The following RSRC1 variants were observed in gnomAD, a reference collection of about 807,000 sequenced individuals.
RSRC1 encodes the protein arginine and serine rich coiled-coil 1.
Under a neutral mutation model 49.1 loss-of-function variants are expected in RSRC1, and 39 were observed. The ratio of observed to expected loss-of-function variants is 0.79; its 90% CI spans 0.61 to 1.04. The LOEUF (loss-of-function observed/expected upper bound fraction) is 1.04. Among genes scored for constraint, RSRC1 ranks in the 50% least tolerant of loss-of-function variants. The pLI is 0.00. For missense variants in RSRC1, 388 were observed against 402.4 expected (o/e 0.96, Z 0.31); for synonymous variants, 143 against 130.8 (o/e 1.09, Z -0.63).
At chr3:158,392,528 C>A (rs1219121439) in intron 6 of RSRC1, among the ~76,000 whole-genome samples, 1 of 151,840 alleles carries the variant, frequency 6.6e-6, no homozygotes, top group Non-Finnish European at 1.5e-5. Context: ...CACAGAATGC[C>A]AAGTGTAATC....
intron 4 of RSRC1, among the ~76,000 whole-genome samples, chr3:158,266,381 A>G (rs1156509280): frequency 6.6e-6 from 1 of 152,062 alleles, no homozygotes; most frequent in Non-Finnish European, 1.5e-5. Context: ...TAATTGTTAT[A>G]TATTTTGAGC....
intron 6 of RSRC1, among the ~76,000 whole-genome samples, chr3:158,393,290 T>C (rs933840165): frequency 2.0e-5 from 3 of 151,944 alleles, no homozygotes; most frequent in African/African-American, 7.3e-5. Context: ...ATCCGAAAGC[T>C]AGTAGAAGAC....
chr3:158,149,556 A>G (rs952488439), intron 3 of RSRC1, among the ~76,000 whole-genome samples: 4 of 152,216 alleles, frequency 2.6e-5, no homozygotes, highest in African/African-American at 7.2e-5. Flanking sequence ...AAAGGTGAAT[A>G]CATGCACATT....
intron 3 of RSRC1, among the ~76,000 whole-genome samples, chr3:158,166,512 G>A (rs1220498138): frequency 6.6e-6 from 1 of 152,002 alleles, no homozygotes; most frequent in East Asian, 1.9e-4. Flanking sequence ...TGAAAAATGT[G>A]GTTCTAATCA....
At chr3:158,428,746 A>C (rs1303018061) in intron 6 of RSRC1, among the ~76,000 whole-genome samples, 1 of 151,848 alleles carries the variant, frequency 6.6e-6, no homozygotes, top group Non-Finnish European at 1.5e-5. Flanking sequence ...TTGTATCTAA[A>C]ATTCTGGATA....
intron 3 of RSRC1, among the ~76,000 whole-genome samples, chr3:158,158,205 A>G (rs1717994917): frequency 6.6e-6 from 1 of 152,200 alleles, no homozygotes; most frequent in Non-Finnish European, 1.5e-5. Context: ...GTGCCTTCAA[A>G]CACAGTTGAC....
At chr3:158,448,140 G>A (rs1736822429) in intron 6 of RSRC1, among the ~76,000 whole-genome samples, 1 of 151,776 alleles carries the variant, frequency 6.6e-6, no homozygotes, top group African/African-American at 2.4e-5. Flanking sequence ...ACTTCAAATT[G>A]ACATCAAGTT....
chr3:158,154,030 A>G (rs746423218), intron 3 of RSRC1, among the ~76,000 whole-genome samples: 8 of 152,184 alleles, frequency 5.3e-5, no homozygotes, highest in Non-Finnish European at 1.0e-4. Flanking sequence ...CTGGACAGCT[A>G]TACCTCAGAG....
intron 3 of RSRC1, among the ~76,000 whole-genome samples, chr3:158,145,128 G>C (rs562927177): frequency 1.3e-5 from 2 of 152,008 alleles, no homozygotes; most frequent in African/African-American, 2.4e-5. Flanking sequence ...AGAAGCTCTT[G>C]AGTTTAATTA....
chr3:158,187,241 G>A (rs1578176587), intron 3 of RSRC1, among the ~76,000 whole-genome samples: 1 of 152,010 alleles, frequency 6.6e-6, no homozygotes, highest in Non-Finnish European at 1.5e-5. Context: ...GGAGAATTGA[G>A]TGAGATAAAG....
At chr3:158,447,207 G>A (rs986650911) in intron 6 of RSRC1, among the ~76,000 whole-genome samples, 1 of 151,988 alleles carries the variant, frequency 6.6e-6, no homozygotes, top group African/African-American at 2.4e-5. Context: ...TTTTAGTATA[G>A]AGGGTGTATA....
chr3:158,517,947 G>T (rs1740665708), intron 7 of RSRC1, among the ~76,000 whole-genome samples: 1 of 148,882 alleles, frequency 6.7e-6, no homozygotes, highest in Non-Finnish European at 1.5e-5. Flanking sequence ...ATCCCAAAAT[G>T]TTATTAATTA....
chr3:158,521,534 A>G (rs939115), intron 7 of RSRC1, among the ~76,000 whole-genome samples: 30,421 of 151,942 alleles, frequency 0.2, 3,714 homozygotes, highest in African/African-American at 0.35. Flanking sequence ...CAGAGATCAT[A>G]TTTGCACTTT....
chr3:158,230,517 T>C (rs1722888080), intron 4 of RSRC1, among the ~76,000 whole-genome samples: 1 of 149,230 alleles, frequency 6.7e-6, no homozygotes, highest in Non-Finnish European at 1.5e-5. Flanking sequence ...TTGTTTAATA[T>C]GGTGAAGCAA....
intron 4 of RSRC1, chr3:158,276,387 C>A: frequency 1.3e-6 from 1 of 778,054 alleles, no homozygotes; most frequent in South Asian, 1.4e-5. Flanking sequence ...AGGCTGCTTT[C>A]TCCATAGCTC....
chr3:158,276,225 A>G (rs1479733094), intron 4 of RSRC1: 22 of 777,618 alleles, frequency 2.8e-5, no homozygotes, highest in Admixed American at 1.0e-4. Context: ...ACCATGGCGA[A>G]TACGAATCCT....
chr3:158,336,449 T>A (rs529988352), intron 5 of RSRC1: 1 of 158,052 alleles, frequency 6.3e-6, no homozygotes, highest in African/African-American at 2.4e-5. Context: ...CTCCAGAGGG[T>A]CACTGGGGTG....
chr3:158,253,968 A>C (rs1399732504), intron 4 of RSRC1, among the ~76,000 whole-genome samples: 1 of 152,104 alleles, frequency 6.6e-6, no homozygotes, highest in African/African-American at 2.4e-5. Flanking sequence ...CCCTGTGTCC[A>C]AGTGTTCTCA....
rs1373889611 is a variant in RSRC1 at position 158,361,347 on chromosome 3, AGT to A, written c.583+6441_583+6442del. Reference sequence around the variant, plus strand: ...CTGCACCCTCCTTCCCTGCAGTAGCAGTGGGCAAGAGCAGCGACATGGTGCCA... The same window carrying A: ...CTGCACCCTCCTTCCCTGCAGTAGCAGGGCAAGAGCAGCGACATGGTGCCA... On this transcript the variant is annotated intron_variant, in intron 6 of 9. Coordinates refer to ENST00000611884, the MANE Select transcript of RSRC1 (RefSeq NM_001271838.2). 5.9e-5 allele frequency among the ~76,000 whole-genome samples: 9 copies of A among 152,288 alleles called. No homozygotes were observed. The East Asian group carries it at 1.7e-3, about 30-fold the overall frequency.
Sources: allele counts gnomAD v4.1 joint callset (sites outside exome capture counted in the v4.1 genomes callset), GRCh38; gene constraint gnomAD v4.1.1; transcripts MANE v1.5; gene names NCBI Gene and HGNC (gene_info 2026-07-23, HGNC 2026-07-21).